NALF1: variants seen among roughly 807,000 people sequenced by gnomAD.
The protein encoded by NALF1 is NALCN channel auxiliary factor 1, also known as family with sequence similarity 155 member A.
Under a neutral mutation model 48.4 loss-of-function variants are expected in NALF1, and 3 were observed. That is an observed-to-expected ratio of 0.06 (90% CI 0.03 to 0.16). NALF1 has a LOEUF of 0.16. NALF1 is among the 10% of genes least tolerant of loss of function. The pLI, the probability that NALF1 is intolerant of heterozygous loss-of-function variation, is 1.00. For synonymous variants in NALF1, 262 were observed against 245.7 expected (o/e 1.07, Z -0.62); for missense variants, 526 against 571.5 (o/e 0.92, Z 0.81).
intron 1 of NALF1, among the ~76,000 whole-genome samples, chr13:107,818,266 C>T (rs1051610547): frequency 1.3e-5 from 2 of 152,162 alleles, no homozygotes; most frequent in African/African-American, 4.8e-5. Flanking sequence ...CCACCTGCTG[C>T]TCTTCCTTTT....
chr13:107,600,609 T>A (rs1273393528), intron 1 of NALF1, among the ~76,000 whole-genome samples: 1 of 152,224 alleles, frequency 6.6e-6, no homozygotes, highest in Non-Finnish European at 1.5e-5. Flanking sequence ...ATCAGTTACT[T>A]ACAGTGGTCG....
chr13:107,762,050 C>A (rs1877279235), intron 1 of NALF1, among the ~76,000 whole-genome samples: 1 of 151,870 alleles, frequency 6.6e-6, no homozygotes, highest in Non-Finnish European at 1.5e-5. Flanking sequence ...TTTGTGTACC[C>A]AAGGGCACAC....
chr13:107,602,027 C>T (rs1398943512), intron 1 of NALF1, among the ~76,000 whole-genome samples: 1 of 151,818 alleles, frequency 6.6e-6, no homozygotes, highest in Non-Finnish European at 1.5e-5. Context: ...GGACAATTTC[C>T]TAAAAATAAA....
At chr13:107,497,565 A>G (rs1015501326) in intron 1 of NALF1, among the ~76,000 whole-genome samples, 4 of 152,202 alleles carry the variant, frequency 2.6e-5, no homozygotes, top group Admixed American at 6.5e-5. Flanking sequence ...CTTCAAGTAC[A>G]TCTTTCAGAA....
chr13:107,741,043 G>C (rs531789973), intron 1 of NALF1, among the ~76,000 whole-genome samples: 137 of 152,242 alleles, frequency 9.0e-4, no homozygotes, highest in Non-Finnish European at 1.7e-3. Flanking sequence ...TACATACCAG[G>C]AATCACATTG....
intron 1 of NALF1, among the ~76,000 whole-genome samples, chr13:107,284,501 T>C (rs1881452336): frequency 6.6e-6 from 1 of 151,998 alleles, no homozygotes; most frequent in Admixed American, 6.6e-5. Context: ...GGAAACAATG[T>C]GTGAAAAAAA....
chr13:107,716,353 C>G (rs375644612), intron 1 of NALF1, among the ~76,000 whole-genome samples: 1 of 152,154 alleles, frequency 6.6e-6, no homozygotes, highest in Non-Finnish European at 1.5e-5. Context: ...TTTTGTTTCC[C>G]GGTGCCATAT....
At chr13:107,638,391 T>A (rs1343880765) in intron 1 of NALF1, among the ~76,000 whole-genome samples, 3 of 151,858 alleles carry the variant, frequency 2.0e-5, no homozygotes, top group African/African-American at 4.8e-5. Flanking sequence ...GTAAGGAAAG[T>A]ATGATTCATT....
intron 1 of NALF1, among the ~76,000 whole-genome samples, chr13:107,385,570 A>C (rs1566319974): frequency 1.3e-5 from 2 of 150,398 alleles, no homozygotes; most frequent in South Asian, 2.1e-4. Context: ...AAAAAAAAAA[A>C]AAAAAAACAA....
At chr13:107,365,038 C>T (rs1298852986) in intron 1 of NALF1, among the ~76,000 whole-genome samples, 5 of 133,466 alleles carry the variant, frequency 3.7e-5, no homozygotes, top group African/African-American at 1.4e-4. Flanking sequence ...CCTCCTCCTC[C>T]TCCTTCTCTC....
chr13:107,524,200 A>G (rs1017105164), intron 1 of NALF1, among the ~76,000 whole-genome samples: 27 of 152,292 alleles, frequency 1.8e-4, no homozygotes, highest in African/African-American at 5.0e-4. Context: ...CAAATAATGC[A>G]TGAAAATTTC....
intron 1 of NALF1, among the ~76,000 whole-genome samples, chr13:107,655,844 G>A (rs1880560865): frequency 1.3e-5 from 2 of 152,058 alleles, no homozygotes. Flanking sequence ...AGAGAACCCA[G>A]AAATAAAGCC....
At chr13:107,414,479 A>G (rs1425621046) in intron 1 of NALF1, among the ~76,000 whole-genome samples, 1 of 150,686 alleles carries the variant, frequency 6.6e-6, no homozygotes, top group African/African-American at 2.4e-5. Flanking sequence ...TACCATATAT[A>G]CATAGGGAAT....
At chr13:107,612,092 A>AAGGGAGTGGG (rs1879241920) in intron 1 of NALF1, among the ~76,000 whole-genome samples, 1 of 43,774 alleles carries the variant, frequency 2.3e-5, no homozygotes, top group African/African-American at 1.0e-4. Flanking sequence ...GGGGGGAGAG[A>AAGGGAGTGGG]GGGGAGGGGG....
intron 2 of NALF1, among the ~76,000 whole-genome samples, chr13:107,193,357 C>T (rs2138786377): frequency 6.6e-6 from 1 of 152,244 alleles, no homozygotes; most frequent in South Asian, 2.1e-4. Flanking sequence ...GGGTGTTAAA[C>T]ATGCGGATGG....
intron 1 of NALF1, among the ~76,000 whole-genome samples, chr13:107,613,006 A>AC (rs1879278434): frequency 6.6e-6 from 1 of 150,820 alleles, no homozygotes; most frequent in African/African-American, 2.4e-5. Flanking sequence ...CAATGAGAAA[A>AC]AAAAAAAAGA....
chr13:107,464,264 C>A (rs921036419), intron 1 of NALF1, among the ~76,000 whole-genome samples: 1 of 151,654 alleles, frequency 6.6e-6, no homozygotes, highest in Non-Finnish European at 1.5e-5. Context: ...TGATATGCAA[C>A]AAACACTCAA....
At chr13:107,431,694 C>G (rs1212933930) in intron 1 of NALF1, among the ~76,000 whole-genome samples, 1 of 152,128 alleles carries the variant, frequency 6.6e-6, no homozygotes, top group Non-Finnish European at 1.5e-5. Flanking sequence ...TAATGTATCT[C>G]AAATATAAGT....
At chr13:107,314,314 T>G (rs1163076101) in intron 1 of NALF1, among the ~76,000 whole-genome samples, 2 of 152,094 alleles carry the variant, frequency 1.3e-5, no homozygotes, top group African/African-American at 4.8e-5. Flanking sequence ...ATAATCTCCT[T>G]CAAATGCGAG....
Sources: allele counts gnomAD v4.1 joint callset (sites outside exome capture counted in the v4.1 genomes callset), GRCh38; gene constraint gnomAD v4.1.1; transcripts MANE v1.5; gene names NCBI Gene and HGNC (gene_info 2026-07-23, HGNC 2026-07-21).